GPAT2: variants seen among roughly 807,000 people sequenced by gnomAD.
The protein encoded by GPAT2 is glycerol-3-phosphate acyltransferase 2, mitochondrial, also known as 1-acylglycerol-3-phosphate O-acyltransferase GPAT2.
A neutral mutation model predicts 71.0 loss-of-function variants in GPAT2; 51 were observed. That is an observed-to-expected ratio of 0.72 (90% CI 0.57 to 0.91). The LOEUF (loss-of-function observed/expected upper bound fraction) is 0.91. Among genes scored for constraint, GPAT2 ranks in the 40% least tolerant of loss-of-function variants. The pLI, the probability that GPAT2 is intolerant of heterozygous loss-of-function variation, is 0.00. For missense variants in GPAT2, 511 were observed against 666.0 expected (o/e 0.77, Z 2.56); for synonymous variants, 222 against 290.3 (o/e 0.76, Z 2.39).
Position 96,025,710 on chromosome 2 carries a change from A to G in GPAT2, c.1239-107T>C, listed in dbSNP as rs555068805. The stretch of plus-strand genomic sequence containing the variant: ...GAGGGTGTTTCCCCCTCCCAGCCCC[A>G]GGACAGAGGATGGCTTCTATAACCC... On this transcript the variant is annotated intron_variant, in intron 12 of 21. Transcript: ENST00000434632. 293 of 1,433,304 alleles carry G rather than the reference A, an allele frequency of 2.0e-4. 5 individuals are homozygous for G. The South Asian group carries it at 3.5e-3, about 17-fold the overall frequency. The allele number at this position is 1,433,304 out of a possible 1,614,324, so 88.8% of individuals were successfully genotyped here.
Position 96,022,213 on chromosome 2 carries a change from G to C in GPAT2, c.2352C>G (p.Ser784Arg). 1 of 1,611,074 alleles carries C rather than the reference G, an allele frequency of 6.2e-7. No individual in the cohort carries two copies. Among genetic ancestry groups the C allele is most frequent in the Non-Finnish European group, 8.5e-7 (1 of 1,179,312 alleles). Residue 784 changes from serine (S) to arginine (R), a missense_variant, in exon 22 of 22, where the codon AGC (serine) becomes AGG (arginine). Physicochemically the swap from Ser to Arg is moderately radical, Grantham distance 110. Coordinates refer to ENST00000434632, the MANE Select transcript of GPAT2 (RefSeq NM_001321527.2). Reference protein sequence around the residue: ...PRLHLSPTFASLDNQEKLEQF... With the variant: ...PRLHLSPTFARLDNQEKLEQF... The stretch of plus-strand genomic sequence containing the variant: ...GTTCTAGTTTTTCCTGATTGTCCAG[G>C]CTGGCAAAAGTAGGGGACAGGTGGA...
rs760727719 is a variant in GPAT2 at position 96,024,537 on chromosome 2, C to T, written c.1577G>A (p.Arg526His). ...SLLRAHVALL[R>H]IRQGDLLVVP... is the part of the protein sequence containing the mutation. ...CACCAGCAAGTCACCCTGACGGATGCGCAGCAGGGCCACGTGCGCCCGCAG... is the reference window on the plus strand; with the variant it reads ...CACCAGCAAGTCACCCTGACGGATGTGCAGCAGGGCCACGTGCGCCCGCAG... Residue 526 changes from arginine (R) to histidine (H), a missense_variant, in exon 15 of 22, where the codon CGC becomes CAC. Coordinates refer to ENST00000434632, the MANE Select transcript of GPAT2 (RefSeq NM_001321527.2). 8 of 1,613,842 alleles carry T rather than the reference C, an allele frequency of 5.0e-6. No homozygotes were observed. The highest frequency in any genetic ancestry group is 3.3e-5 in the Admixed American group (2 of 60,020).
In GPAT2 at chr2:96,023,242, C is replaced by T. The variant is rs2278564; in HGVS notation, c.2047-16G>A. The T allele has an allele frequency of 0.07, 113,091 of 1,610,910 alleles. 2,993 individuals carry two copies. Among genetic ancestry groups the T allele is most frequent in the East Asian group, 0.17 (7,756 of 44,716 alleles). ...GCTGGCTGAGCTGGAGGGGACAGGCCGGGGTGAGTGCAGCTCCCCACCGCC... is the reference window on the plus strand; with the variant it reads ...GCTGGCTGAGCTGGAGGGGACAGGCTGGGGTGAGTGCAGCTCCCCACCGCC... On this transcript the variant is annotated splice_polypyrimidine_tract_variant and intron_variant, in intron 18 of 21. Transcript: ENST00000434632.
chr2:96,022,859 T>C (rs1381596622), intron 20 of GPAT2, 99 bp downstream of exon 20: 15 of 1,611,926 alleles, frequency 9.3e-6, no homozygotes, highest in Admixed American at 5.0e-5. Flanking sequence ...CTCTGCAGCC[T>C]GCCTTCCTAG....
In GPAT2 at chr2:96,024,083, C is replaced by T. The variant is rs545529585; in HGVS notation, c.1837-83G>A. On this transcript the variant is annotated intron_variant, in intron 16 of 21. Coordinates refer to ENST00000434632, the MANE Select transcript of GPAT2 (RefSeq NM_001321527.2). ...TAGCCAAAGACCGGGCAAGGCCACA[C>T]CTACTACCCAGGAGGTTTCAGAGGT... 5.1e-5 allele frequency: 81 copies of T among 1,597,304 alleles called. No individual in the cohort carries two copies. The African/African-American group carries it at 8.4e-4, about 17-fold the overall frequency.
rs1680043074 is a variant in GPAT2 at position 96,023,946 on chromosome 2, A to G, written c.1891T>C (p.Cys631Arg). Residue 631 changes from cysteine to arginine, a missense_variant, in exon 17 of 22, where the codon TGC becomes CGC. Physicochemically the swap from Cys to Arg is radical, Grantham distance 180 (BLOSUM62 -3). Around this residue, in one of 7 missense-constraint regions of GPAT2, gnomAD observed 295 missense variants for 305.5 expected, o/e 0.97. Coordinates refer to ENST00000434632, the MANE Select transcript of GPAT2 (RefSeq NM_001321527.2). ...ACCTCCTCAGCAACCAGGAGCCCGC[A>G]TTGGATGAGCCGGTCCAGCACCTCC... is the stretch of plus-strand genomic sequence containing the variant. ...CQEVLDRLIQCGLLVAEETPG... is the reference protein window; with the variant it reads ...CQEVLDRLIQRGLLVAEETPG... 1.9e-6 allele frequency: 3 copies of G among 1,605,576 alleles called. No individual in the cohort carries two copies. Among genetic ancestry groups the G allele is most frequent in the Non-Finnish European group, 2.6e-6 (3 of 1,176,390 alleles).
chr2:96,022,621 G>A (rs541564975), intron 21 of GPAT2, 47 bp downstream of exon 21: 1 of 1,596,124 alleles, frequency 6.3e-7, no homozygotes, highest in African/African-American at 1.3e-5. Context: ...CTACTCTATT[G>A]GGGTGGGAGC....
At chr2:96,023,512 A>G in intron 17 of GPAT2, 72 bp from the exon 18 acceptor site, 1 of 1,521,138 alleles carries the variant, frequency 6.6e-7, no homozygotes, top group Non-Finnish European at 9.1e-7. Flanking sequence ...GACCAGGTAC[A>G]TGCAGGTGAA....
At chr2:96,024,910 C>A in intron 13 of GPAT2, 67 bp from the exon 14 acceptor site, 1 of 1,565,902 alleles carries the variant, frequency 6.4e-7, no homozygotes, top group Non-Finnish European at 8.8e-7. Context: ...CCTCCATGAT[C>A]TAGCAAGTCT....
In GPAT2 at chr2:96,026,316, G is replaced by A. The variant is rs773880896; in HGVS notation, c.1033-11C>T. 6.6e-7 allele frequency: 1 copy of A among 1,515,042 alleles called. No individual in the cohort carries two copies. The highest frequency in any genetic ancestry group is 1.4e-5 in the African/African-American group (1 of 70,734). 93.8% of individuals were successfully genotyped at this position (1,515,042 alleles called of 1,614,324 possible). ...CAGGGGGGCCGAGGCCTGCAAGGAG[G>A]GAAAGGATAACTATACTCGCCGAGG... is the stretch of plus-strand genomic sequence containing the variant. On this transcript the variant is annotated splice_polypyrimidine_tract_variant and intron_variant, in intron 10 of 21. Coordinates refer to ENST00000434632, the MANE Select transcript of GPAT2 (RefSeq NM_001321527.2).
Position 96,024,255 on chromosome 2 carries a change from C to T in GPAT2, c.1770G>A (p.Gln590=), listed in dbSNP as rs760580526. The T allele has an allele frequency of 6.4e-7, 1 of 1,553,842 alleles. No individual in the cohort carries two copies. The highest frequency in any genetic ancestry group is 8.7e-7 in the Non-Finnish European group (1 of 1,146,714). The stretch of plus-strand genomic sequence containing the variant: ...GCAGGATCTGGCGGTACAGCTCATT[C>T]TGGCTCAGCAGCAATATGCCCTGCA... The part of the protein sequence containing the change: ...WELQGILLLS[Q]NELYRQILLL... Residue 590 remains glutamine, a synonymous_variant, in exon 16 of 22, where the codon CAG becomes CAA. Transcript: ENST00000434632.
At chr2:96,026,417 C>T in intron 10 of GPAT2, 112 bp from the exon 11 acceptor site, 3 of 1,061,394 alleles carry the variant, frequency 2.8e-6, no homozygotes, top group Non-Finnish European at 3.8e-6. Context: ...CCACCCTGCT[C>T]AGTTTTATCT....
Position 96,024,551 on chromosome 2 carries a change from G to C in GPAT2, c.1563C>G (p.His521Gln). 6.2e-7 allele frequency: 1 copy of C among 1,613,726 alleles called. No homozygotes were observed. Among genetic ancestry groups the C allele is most frequent in the African/African-American group, 1.3e-5 (1 of 74,996 alleles). Residue 521 changes from histidine (H) to glutamine (Q), a missense_variant, in exon 15 of 22, where the codon CAC (histidine) becomes CAG (glutamine). Around this residue, in one of 7 missense-constraint regions of GPAT2, gnomAD observed 295 missense variants for 305.5 expected, o/e 0.97. Coordinates refer to ENST00000434632, the MANE Select transcript of GPAT2 (RefSeq NM_001321527.2). ...LQHSLSLLRAHVALLRIRQGD... is the reference protein window; with the variant it reads ...LQHSLSLLRAQVALLRIRQGD... ...CCTGACGGATGCGCAGCAGGGCCAC[G>C]TGCGCCCGCAGCAGGCTCAGTGAGT...
chr2:96,024,774 T>A lies in GPAT2; in HGVS notation c.1427A>T (p.Lys476Met). 6.2e-7 allele frequency: 1 copy of A among 1,613,800 alleles called. No individual in the cohort carries two copies. Among genetic ancestry groups the A allele is most frequent in the Non-Finnish European group, 8.5e-7 (1 of 1,179,922 alleles). Residue 476 changes from lysine to methionine, a missense_variant and splice_region_variant, in exon 14 of 22, where the codon AAG (lysine) becomes ATG (methionine). By Grantham distance (95) the Lys-to-Met change is moderately conservative. Around this residue, in one of 7 missense-constraint regions of GPAT2, gnomAD observed 295 missense variants for 305.5 expected, o/e 0.97. Coordinates refer to ENST00000434632, the MANE Select transcript of GPAT2 (RefSeq NM_001321527.2). ...MATLLLFKHQ[K>M]GVFLSQLLGE... The stretch of plus-strand genomic sequence containing the variant: ...TCCCCACCACATTGCACCCCCTACC[T>A]TCTGATGCTTGAAGAGCAGCAGCGT...
intron 13 of GPAT2, chr2:96,025,053 A>C (rs1680247932): frequency 1.6e-6 from 1 of 624,572 alleles, no homozygotes; most frequent in Admixed American, 2.6e-5. Flanking sequence ...TAGGGCCCAC[A>C]CATCAACCCA....
At chr2:96,022,792 C>T in intron 20 of GPAT2, 69 bp from the exon 21 acceptor site, 1 of 1,613,904 alleles carries the variant, frequency 6.2e-7, no homozygotes, top group Non-Finnish European at 8.5e-7. Context: ...AGGCTTCTCT[C>T]CTCTTGTTTA....
In GPAT2 at chr2:96,022,213, G is replaced by T. The variant is rs772116149; in HGVS notation, c.2352C>A (p.Ser784Arg). The change falls in exon 22 of 22, where the codon AGC (serine) becomes AGA (arginine). Residue 784 changes from serine to arginine, a missense_variant. Physicochemically the swap from Ser to Arg is moderately radical, Grantham distance 110. Around this residue, in one of 7 missense-constraint regions of GPAT2, gnomAD observed 108 missense variants for 117.6 expected, o/e 0.92. Transcript: ENST00000434632. ...GTTCTAGTTTTTCCTGATTGTCCAGGCTGGCAAAAGTAGGGGACAGGTGGA... is the reference window on the plus strand; with the variant it reads ...GTTCTAGTTTTTCCTGATTGTCCAGTCTGGCAAAAGTAGGGGACAGGTGGA... ...PRLHLSPTFASLDNQEKLEQF... is the reference protein window; with the variant it reads ...PRLHLSPTFARLDNQEKLEQF... The T allele has an allele frequency of 6.2e-7, 1 of 1,610,956 alleles. No individual in the cohort carries two copies. The highest frequency in any genetic ancestry group is 8.5e-7 in the Non-Finnish European group (1 of 1,179,320).
chr2:96,032,126 G>C lies in GPAT2; in HGVS notation c.84C>G (p.Gly28=), dbSNP rs1480486599. Residue 28 remains glycine, a synonymous_variant, in exon 3 of 22, where the codon GGC becomes GGG. Transcript: ENST00000434632. ...TGACAGCCTCCAGCTTCATCCCAAA[G>C]CCTGACGACCACAGGCTAGCCTGGA... ...SGREASLWSS[G]FGMKLEAVTP... is the part of the protein sequence containing the mutation. The C allele has an allele frequency of 1.3e-5, 20 of 1,541,208 alleles. 6 individuals carry two copies. The highest frequency in any genetic ancestry group is 1.8e-5 in the Non-Finnish European group (20 of 1,126,290).
chr2:96,022,598 G>A, intron 21 of GPAT2, 70 bp downstream of exon 21: 1 of 1,492,208 alleles, frequency 6.7e-7, no homozygotes, highest in South Asian at 1.1e-5. Context: ...GGACATAGCT[G>A]GGTTTCCCTG....
Sources: allele counts gnomAD v4.1 joint callset, GRCh38; gene constraint gnomAD v4.1.1; regional missense constraint gnomAD v4.1.1; transcripts MANE v1.5; gene names NCBI Gene and HGNC (gene_info 2026-07-23, HGNC 2026-07-21).